Variants in ERICH1 observed in about 807,000 individuals in gnomAD.
ERICH1 encodes glutamate-rich protein 1.
Under a neutral mutation model 39.6 loss-of-function variants are expected in ERICH1, and 56 were observed. The ratio of observed to expected loss-of-function variants is 1.41; its 90% CI spans 1.14 to 1.77. The LOEUF (loss-of-function observed/expected upper bound fraction) is 1.77, where lower values mean the gene tolerates loss of function less well. Among genes scored for constraint, ERICH1 ranks in the 40% most tolerant of loss-of-function variants. The pLI, the probability that ERICH1 is intolerant of heterozygous loss-of-function variation, is 0.00. For synonymous variants in ERICH1, 313 were observed against 223.6 expected (o/e 1.40, Z -3.57); for missense variants, 826 against 575.4 (o/e 1.44, Z -4.45).
At chr8:710,217 T>C (rs897960288) in intron 2 of ERICH1, among the ~76,000 whole-genome samples, 1 of 152,182 alleles carries the variant, frequency 6.6e-6, no homozygotes, top group Non-Finnish European at 1.5e-5. Flanking sequence ...GCGCCCACCA[T>C]GACAGCATCG....
intron 4 of ERICH1, chr8:669,069 T>C (rs1222990389): frequency 4.7e-6 from 2 of 429,470 alleles, no homozygotes; most frequent in Non-Finnish European, 4.2e-6. Flanking sequence ...ACGCCTCCCC[T>C]GGCCCGTCTA....
At chr8:616,758 G>T (rs1223462133) in intron 3 of ERICH1, among the ~76,000 whole-genome samples, 1 of 87,502 alleles carries the variant, frequency 1.1e-5, no homozygotes, top group African/African-American at 5.6e-5. Context: ...GGGACAAAGG[G>T]AGAGGAAGAC....
chr8:700,479 G>GCGCACAGGCCCGCACAC (rs1811811241), intron 2 of ERICH1, among the ~76,000 whole-genome samples: 1 of 18,212 alleles, frequency 5.5e-5, no homozygotes, highest in African/African-American at 1.2e-4. Flanking sequence ...GACCCGCACA[G>GCGCACAGGCCCGCACAC]GCGCACAGGC....
At chr8:694,948 C>T (rs955373354) in intron 2 of ERICH1, among the ~76,000 whole-genome samples, 3 of 152,114 alleles carry the variant, frequency 2.0e-5, no homozygotes, top group African/African-American at 7.2e-5. Context: ...GAGTCAGGGT[C>T]AGAGAGGGGC....
intron 3 of ERICH1, among the ~76,000 whole-genome samples, chr8:634,191 C>CAAAAAACAAACAAACAAACA (rs1798250396): frequency 7.7e-6 from 1 of 129,838 alleles, no homozygotes; most frequent in Non-Finnish European, 1.7e-5. Context: ...AAAAAACAAA[C>CAAAAAACAAACAAACAAACA]AAAAAAAACC....
intron 2 of ERICH1, among the ~76,000 whole-genome samples, chr8:705,863 G>T (rs1336796857): frequency 6.6e-6 from 1 of 152,194 alleles, no homozygotes; most frequent in Non-Finnish European, 1.5e-5. Context: ...GGACGGTGGA[G>T]CCTTAAGATA....
chr8:616,459 G>C, intron 3 of ERICH1: 2 of 452,598 alleles, frequency 4.4e-6, no homozygotes, highest in Admixed American at 4.7e-5. Context: ...AGCGGATTCA[G>C]CGCTGGCCAA....
At chr8:680,574 C>CG (rs1417081494) in intron 3 of ERICH1, among the ~76,000 whole-genome samples, 1 of 136,018 alleles carries the variant, frequency 7.4e-6, no homozygotes, top group East Asian at 2.5e-4. Context: ...ACCCCTCCCC[C>CG]GAAAACACGG....
chr8:723,497 C>T (rs916450789), intron 1 of ERICH1, among the ~76,000 whole-genome samples: 1 of 152,222 alleles, frequency 6.6e-6, no homozygotes, highest in African/African-American at 2.4e-5. Context: ...CTGCCTCCTT[C>T]ACCTGTCATA....
rs1236090051 is a variant in ERICH1, at chr8:664,679, A to G, written c.1259-3T>C. The stretch of plus-strand genomic sequence containing the variant: ...AGCTGAGATTACTCTGGCATGGTCT[A>G]GAAAGCAAAAAACACAAAACAAAAA... On this transcript the variant is annotated splice_polypyrimidine_tract_variant and splice_region_variant and intron_variant, in intron 5 of 5. Transcript: ENST00000262109. 11 of 1,602,918 alleles carry G rather than the reference A, an allele frequency of 6.9e-6. No individual in the cohort carries two copies. The highest frequency in any genetic ancestry group is 9.4e-6 in the Non-Finnish European group (11 of 1,174,888).
In ERICH1 at chr8:701,261, G is replaced by A. The variant is rs192446960; in HGVS notation, c.170-8649C>T. Among the ~76,000 whole-genome samples the A allele has an allele frequency of 4.8e-3, 711 of 149,514 alleles. 5 individuals are homozygous for A. The highest frequency in any genetic ancestry group is 0.017 in the African/African-American group (683 of 40,272). ...CACGGGTCTACCCTGCTGGACGGGA[G>A]CACGCCGTACCCACGGGTCTGCCCC... On this transcript the variant is annotated intron_variant, in intron 2 of 5. Transcript: ENST00000262109.
rs567815168 is a variant in ERICH1 at position 627,558 on chromosome 8, C to A, written c.977-12274G>T. 5.3e-5 allele frequency among the ~76,000 whole-genome samples: 8 copies of A among 152,334 alleles called. No individual in the cohort carries two copies. The East Asian group carries it at 1.5e-3, about 29-fold the overall frequency. Reference sequence around the variant, plus strand: ...CAAAGCGTCAGTGCCTTCCCAGAACCATGTGGCCAGGGGGTAAGAAGATGG... The same window carrying A: ...CAAAGCGTCAGTGCCTTCCCAGAACAATGTGGCCAGGGGGTAAGAAGATGG... On this transcript the variant is annotated intron_variant, in intron 3 of 3. Transcript: ENST00000522706.
intron 3 of ERICH1, among the ~76,000 whole-genome samples, chr8:623,965 C>T (rs572540650): frequency 1.3e-5 from 2 of 152,180 alleles, no homozygotes; most frequent in East Asian, 3.9e-4. Context: ...AGACAACATA[C>T]AGAATGGGAG....
At chr8:672,738 T>C (rs113198133) in intron 4 of ERICH1, among the ~76,000 whole-genome samples, 3 of 152,274 alleles carry the variant, frequency 2.0e-5, no homozygotes, top group Non-Finnish European at 4.4e-5. Flanking sequence ...ATTAAACCTA[T>C]GTTTATTTTC....
intron 3 of ERICH1, among the ~76,000 whole-genome samples, chr8:640,005 C>T (rs141864630): frequency 1.3e-5 from 2 of 152,212 alleles, no homozygotes; most frequent in Non-Finnish European, 2.9e-5. Flanking sequence ...CACACATGCC[C>T]TGTGTGTGCC....
intron 1 of ERICH1, among the ~76,000 whole-genome samples, chr8:722,781 G>A (rs1817627147): frequency 1.3e-5 from 2 of 152,200 alleles, no homozygotes; most frequent in African/African-American, 4.8e-5. Flanking sequence ...AGCTTATTTG[G>A]GAATGTGAAG....
intron 1 of ERICH1, among the ~76,000 whole-genome samples, chr8:726,338 CAA>C (rs1258022729): frequency 6.6e-6 from 1 of 151,222 alleles, no homozygotes; most frequent in Non-Finnish European, 1.5e-5. Flanking sequence ...TGCAGGCACA[CAA>C]CACACAGGCG....
chr8:681,745 G>A (rs934253967), intron 3 of ERICH1, among the ~76,000 whole-genome samples: 3 of 152,218 alleles, frequency 2.0e-5, no homozygotes, highest in Admixed American at 6.5e-5. Context: ...AGCAGAAGCC[G>A]CACTTACATC....
At chr8:671,774 C>A (rs893683219) in intron 4 of ERICH1, 2 of 156,768 alleles carry the variant, frequency 1.3e-5, no homozygotes, top group South Asian at 1.5e-4. Context: ...CTGAACCTGC[C>A]GGCCCCGGCT....
Sources: allele counts gnomAD v4.1 joint callset (sites outside exome capture counted in the v4.1 genomes callset), GRCh38; gene constraint gnomAD v4.1.1; transcripts MANE v1.5; gene names NCBI Gene and HGNC (gene_info 2026-07-23, HGNC 2026-07-21).